The following ABCB1 variants were observed in gnomAD, a reference collection of about 807,000 sequenced individuals.
ABCB1 encodes the protein ATP-dependent translocase ABCB1.
A neutral mutation model predicts 142.0 loss-of-function variants in ABCB1; 69 were observed. The observed-to-expected ratio is 0.49, with a 90% CI of 0.40 to 0.59. ABCB1 has a LOEUF of 0.59. Among genes scored for constraint, ABCB1 ranks in the 20% least tolerant of loss-of-function variants. The probability of loss-of-function intolerance (pLI) is 0.00; values close to 1 mark genes in which losing one functional copy is unlikely to be tolerated. For missense variants in ABCB1, 1,326 were observed against 1,554.7 expected (o/e 0.85, Z 2.47); for synonymous variants, 532 against 539.2 (o/e 0.99, Z 0.18).
chr7:87,505,586 A>G (rs1814695158), intron 27 of ABCB1, among the ~76,000 whole-genome samples: 1 of 152,228 alleles, frequency 6.6e-6, no homozygotes, highest in African/African-American at 2.4e-5. Flanking sequence ...GTCTTACACT[A>G]CCACTTTTCC....
At chr7:87,675,444 T>C (rs77911876) in intron 1 of ABCB1, among the ~76,000 whole-genome samples, 3 of 152,260 alleles carry the variant, frequency 2.0e-5, no homozygotes, top group African/African-American at 2.4e-5. Context: ...GCTTCCTGAC[T>C]TCAAACTATG....
At position 87,651,916 on chromosome 7, in the gene ABCB1, G is replaced by A. The variant is rs538389898; in HGVS notation, c.-330-50838C>T. ...TGTAAAATTGCTAATGCTTTTTTCT[G>A]TTAAATTTGGTTGTTTTGCATTTTA... is the stretch of plus-strand genomic sequence containing the variant. On this transcript the variant is annotated intron_variant, in intron 1 of 28. Coordinates refer to the ABCB1 transcript ENST00000265724. Among the ~76,000 whole-genome samples the A allele has an allele frequency of 5.3e-4, 81 of 152,076 alleles. No homozygotes were observed. The South Asian group carries it at 5.8e-3, about 11-fold the overall frequency.
In ABCB1 at chr7:87,549,376, T is replaced by G; in HGVS notation, c.1697A>C (p.Glu566Ala). ...EATSALDTESEAVVQVALDKA... is the reference protein window; with the variant it reads ...EATSALDTESAAVVQVALDKA... ...ATCCAGAGCCACCTGAACCACTGCTTCGCTTTCTGTGTCCAAGGCTGACGT... is the reference window on the plus strand; with the variant it reads ...ATCCAGAGCCACCTGAACCACTGCTGCGCTTTCTGTGTCCAAGGCTGACGT... The change falls in exon 14 of 28, where the codon GAA becomes GCA. Residue 566 changes from glutamate to alanine, a missense_variant. Transcript: ENST00000622132. The G allele has an allele frequency of 6.2e-7, 1 of 1,614,196 alleles. No homozygotes were observed. The highest frequency in any genetic ancestry group is 8.5e-7 in the Non-Finnish European group (1 of 1,180,018).
intron 20 of ABCB1, among the ~76,000 whole-genome samples, chr7:87,533,021 C>T (rs1204433981): frequency 1.3e-5 from 2 of 152,096 alleles, no homozygotes; most frequent in African/African-American, 4.8e-5. Context: ...CATGGAGCTG[C>T]ACCAGGGCTG....
intron 1 of ABCB1, among the ~76,000 whole-genome samples, chr7:87,625,274 AAG>A (rs895446699): frequency 6.6e-6 from 1 of 152,120 alleles, no homozygotes; most frequent in African/African-American, 2.4e-5. Flanking sequence ...AAAAAGAAAA[AAG>A]AAAAATAACA....
chr7:87,707,023 T>G (rs981782093), intron 1 of ABCB1, among the ~76,000 whole-genome samples: 1 of 151,932 alleles, frequency 6.6e-6, no homozygotes, highest in African/African-American at 2.4e-5. Flanking sequence ...ATCTTTGGAG[T>G]AAGGGAAATT....
chr7:87,565,730 G>A (rs28381849), intron 7 of ABCB1, among the ~76,000 whole-genome samples: 1 of 151,990 alleles, frequency 6.6e-6, no homozygotes, highest in Non-Finnish European at 1.5e-5. Context: ...CCACTAGAGA[G>A]CATGGTTCTT....
In ABCB1 at chr7:87,516,956, C is replaced by T. The variant is rs544731213; in HGVS notation, c.2928-291G>A. Among the ~76,000 whole-genome samples the T allele has an allele frequency of 4.0e-5, 6 of 151,896 alleles. No individual in the cohort carries two copies. In the East Asian group the frequency reaches 5.8e-4, roughly 15 times the overall value. On this transcript the variant is annotated intron_variant, in intron 23 of 27. Transcript: ENST00000622132. Reference sequence around the variant, plus strand: ...CTCCCTATATTGCCCAGGCTGGTCTCGAACTACCGGGCTGAAGTGAACCTC... The same window carrying T: ...CTCCCTATATTGCCCAGGCTGGTCTTGAACTACCGGGCTGAAGTGAACCTC...
intron 1 of ABCB1, 27 bp downstream of exon 1, chr7:87,600,728 G>A (rs559666228): frequency 6.5e-6 from 1 of 154,988 alleles, no homozygotes; most frequent in South Asian, 2.0e-4. Flanking sequence ...CTGTCCCATA[G>A]TAGCTCCCAG....
At chr7:87,628,824 A>G in intron 1 of ABCB1, 1 of 1,249,392 alleles carries the variant, frequency 8.0e-7, no homozygotes, top group Non-Finnish European at 1.0e-6. Flanking sequence ...TAAGCCCGCC[A>G]TGGCCTCCCG....
At chr7:87,686,748 T>C (rs1585101306) in intron 1 of ABCB1, among the ~76,000 whole-genome samples, 2 of 147,272 alleles carry the variant, frequency 1.4e-5, no homozygotes, top group East Asian at 4.0e-4. Flanking sequence ...GAGACCCACC[T>C]GGGCAACATG....
In ABCB1 at chr7:87,600,229, C is replaced by T. The variant is rs750935381; in HGVS notation, c.-6-39G>A. ...GCAGCTCATTAGCCAAATGCATGAGCCTCAGGCGCGCTGGAGGTGAGACTA... is the reference window on the plus strand; with the variant it reads ...GCAGCTCATTAGCCAAATGCATGAGTCTCAGGCGCGCTGGAGGTGAGACTA... On this transcript the variant is annotated intron_variant, in intron 1 of 27. Coordinates refer to ENST00000622132, the MANE Select transcript of ABCB1 (RefSeq NM_001348946.2). The T allele has an allele frequency of 1.9e-6, 3 of 1,574,062 alleles. No homozygotes were observed. In the South Asian group the frequency reaches 3.3e-5, roughly 18 times the overall value.
chr7:87,659,676 C>T (rs1824493404), intron 1 of ABCB1, among the ~76,000 whole-genome samples: 1 of 151,816 alleles, frequency 6.6e-6, no homozygotes, highest in African/African-American at 2.4e-5. Context: ...GTCTAGCACA[C>T]AGTCCGGGGT....
intron 1 of ABCB1, among the ~76,000 whole-genome samples, chr7:87,694,778 T>C (rs1828350662): frequency 6.6e-6 from 1 of 152,174 alleles, no homozygotes; most frequent in Non-Finnish European, 1.5e-5. Context: ...AAACGTTTGT[T>C]CTCCATTTCA....
At chr7:87,531,531 A>C (rs1165920115) in intron 20 of ABCB1, 34 bp from the exon 21 acceptor site, 1 of 1,592,014 alleles carries the variant, frequency 6.3e-7, no homozygotes, top group Admixed American at 1.7e-5. Context: ...AAATTTTAAA[A>C]ATATTATCTT....
Position 87,519,395 on chromosome 7 carries a change from T to A in ABCB1, c.2858A>T (p.Tyr953Phe). 6.2e-7 allele frequency: 1 copy of A among 1,614,160 alleles called. No homozygotes were observed. The highest frequency in any genetic ancestry group is 2.2e-5 in the East Asian group (1 of 44,874). The change falls in exon 23 of 28, where the codon TAT becomes TTT. Residue 953 changes from tyrosine to phenylalanine, a missense_variant. By Grantham distance (22) the Tyr-to-Phe change is conservative. Coordinates refer to ENST00000622132, the MANE Select transcript of ABCB1 (RefSeq NM_001348946.2). ...SFTQAMMYFS[Y>F]AGCFRFGAYL... ...GGCTCCAAACCGGAAACATCCAGCA[T>A]AGGAAAAATACATCATTGCCTGGGT...
chr7:87,566,390 G>A, intron 6 of ABCB1, 149 bp from the exon 7 acceptor site: 2 of 813,218 alleles, frequency 2.5e-6, no homozygotes, highest in African/African-American at 1.7e-5. Context: ...GTTTCTACTA[G>A]GATATTTGTC....
intron 23 of ABCB1, among the ~76,000 whole-genome samples, chr7:87,518,396 A>C (rs1175172981): frequency 3.9e-5 from 6 of 152,172 alleles, no homozygotes; most frequent in Admixed American, 6.5e-5. Context: ...ATATCAAATA[A>C]TTATCTAATC....
At chr7:87,573,302 C>A (rs886538038) in intron 4 of ABCB1, among the ~76,000 whole-genome samples, 3 of 152,128 alleles carry the variant, frequency 2.0e-5, no homozygotes, top group Non-Finnish European at 4.4e-5. Context: ...CTACTTCCAC[C>A]ACTCTGATGC....
Sources: gnomAD v4.1 joint callset for allele counts (sites outside exome capture counted in the v4.1 genomes callset) on GRCh38, gnomAD v4.1.1 for gene constraint, MANE v1.5 for transcripts, NCBI Gene and HGNC (gene_info 2026-07-23, HGNC 2026-07-21) for gene names.